FAF1: variants seen among roughly 807,000 people sequenced by gnomAD.
FAF1 encodes the protein FAS-associated factor 1.
In FAF1, 25 loss-of-function variants were observed where a neutral mutation model predicts 92.5. That is an observed-to-expected ratio of 0.27 (90% CI 0.20 to 0.38). The LOEUF is 0.38. FAF1 is among the 10% of genes least tolerant of loss of function. The probability of loss-of-function intolerance (pLI) is 1.00; values close to 1 mark genes in which losing one functional copy is unlikely to be tolerated. For synonymous variants in FAF1, 234 were observed against 273.2 expected, an observed-to-expected ratio of 0.86 and a Z score of 1.42; for missense variants, 636 against 793.3, an observed-to-expected ratio of 0.80 and a Z score of 2.38.
chr1:50,681,060 G>A (rs1232494159), intron 7 of FAF1, among the ~76,000 whole-genome samples: 1 of 151,876 alleles, frequency 6.6e-6, no homozygotes, highest in Non-Finnish European at 1.5e-5. Flanking sequence ...CGATGATGAT[G>A]ATTTGAGACA....
intron 4 of FAF1, among the ~76,000 whole-genome samples, chr1:50,763,040 A>T (rs1660393764): frequency 1.3e-5 from 2 of 152,114 alleles, no homozygotes; most frequent in African/African-American, 4.8e-5. Context: ...TGATCACCTG[A>T]GGTCAGGAGT....
At chr1:50,742,053 A>ACC (rs1036083325) in intron 5 of FAF1, among the ~76,000 whole-genome samples, 3 of 152,150 alleles carry the variant, frequency 2.0e-5, no homozygotes, top group African/African-American at 7.2e-5. Context: ...TCATGCCTGT[A>ACC]ATCTCAGCAC....
intron 1 of FAF1, among the ~76,000 whole-genome samples, chr1:50,919,259 T>A (rs1644943879): frequency 6.6e-6 from 1 of 151,864 alleles, no homozygotes; most frequent in African/African-American, 2.4e-5. Context: ...GATCTGCATA[T>A]AAAAAACAGT....
chr1:50,663,039 T>G (rs902823826), intron 7 of FAF1, among the ~76,000 whole-genome samples: 1 of 151,710 alleles, frequency 6.6e-6, no homozygotes, highest in Non-Finnish European at 1.5e-5. Flanking sequence ...GATTTTACGA[T>G]AAAAGACAAT....
At chr1:50,932,099 C>T (rs1396482760) in intron 1 of FAF1, among the ~76,000 whole-genome samples, 1 of 151,838 alleles carries the variant, frequency 6.6e-6, no homozygotes, top group Non-Finnish European at 1.5e-5. Context: ...TTCTGGGAGA[C>T]GAAAATTCAA....
intron 1 of FAF1, among the ~76,000 whole-genome samples, chr1:50,861,259 G>C (rs1299285683): frequency 6.6e-6 from 1 of 151,738 alleles, no homozygotes; most frequent in Admixed American, 6.6e-5. Flanking sequence ...AAAAACAAGA[G>C]ACTGCTATGG....
At chr1:50,447,371 C>A (rs1020752686) in intron 18 of FAF1, among the ~76,000 whole-genome samples, 2 of 152,010 alleles carry the variant, frequency 1.3e-5, no homozygotes, top group Non-Finnish European at 2.9e-5. Flanking sequence ...GTGATCCGCC[C>A]GCCTCGGCCT....
intron 8 of FAF1, among the ~76,000 whole-genome samples, chr1:50,608,711 T>C (rs547803462): frequency 5.9e-5 from 9 of 152,314 alleles, no homozygotes; most frequent in African/African-American, 1.2e-4. Flanking sequence ...AAATGTGTCA[T>C]TGTAAGGTAA....
intron 15 of FAF1, among the ~76,000 whole-genome samples, chr1:50,506,373 TCA>T: frequency 6.6e-6 from 1 of 152,294 alleles, no homozygotes; most frequent in African/African-American, 2.4e-5. Context: ...CTCACAATTC[TCA>T]CAGACTAGAC....
At chr1:50,739,627 T>C (rs1234989630) in intron 5 of FAF1, among the ~76,000 whole-genome samples, 1 of 152,220 alleles carries the variant, frequency 6.6e-6, no homozygotes, top group East Asian at 1.9e-4. Flanking sequence ...ATGGCAAAAA[T>C]TGGCAATATA....
At chr1:50,655,860 T>G (rs922302923) in intron 7 of FAF1, among the ~76,000 whole-genome samples, 17 of 152,220 alleles carry the variant, frequency 1.1e-4, no homozygotes, top group Non-Finnish European at 2.2e-4. Flanking sequence ...TTTTTATAAT[T>G]TATTTAATCG....
chr1:50,560,257 A>G (rs188481722), intron 13 of FAF1, among the ~76,000 whole-genome samples: 1 of 152,376 alleles, frequency 6.6e-6, no homozygotes, highest in Admixed American at 6.5e-5. Context: ...CTTACTGATA[A>G]TAAGTGCTTT....
rs1649687939 is a variant in FAF1 at position 50,558,223 on chromosome 1, A to G, written c.1268+8854T>C. On this transcript the variant is annotated intron_variant, in intron 13 of 18. Coordinates refer to ENST00000396153, the MANE Select transcript of FAF1 (RefSeq NM_007051.3). Reference sequence around the variant, plus strand: ...CTAAATATCTTATTTTTAGAATAAGATATTTATCTTATTTTTAGAATAAGA... The same window carrying G: ...CTAAATATCTTATTTTTAGAATAAGGTATTTATCTTATTTTTAGAATAAGA... Among the ~76,000 whole-genome samples, 3 of 114,108 alleles carry G rather than the reference A, an allele frequency of 2.6e-5. No homozygotes were observed. In the South Asian group the frequency reaches 6.9e-4, roughly 26 times the overall value. 74.9% of individuals were successfully genotyped at this position (114,108 alleles called of 152,430 possible). A position where few individuals can be genotyped will look rare whatever the true frequency, so the allele number is the denominator to read the frequency against.
intron 7 of FAF1, among the ~76,000 whole-genome samples, chr1:50,700,750 T>C (rs2124414697): frequency 6.6e-6 from 1 of 152,240 alleles, no homozygotes; most frequent in South Asian, 2.1e-4. Context: ...AGACTGTTCT[T>C]AATTCTTAAA....
At chr1:50,480,916 T>C (rs375746327) in intron 17 of FAF1, among the ~76,000 whole-genome samples, 2 of 152,130 alleles carry the variant, frequency 1.3e-5, no homozygotes, top group South Asian at 2.1e-4. Flanking sequence ...GACTTTCCAG[T>C]GGACAAGATG....
chr1:50,761,285 C>G (rs930669547), intron 4 of FAF1, among the ~76,000 whole-genome samples: 7 of 152,316 alleles, frequency 4.6e-5, no homozygotes, highest in South Asian at 2.1e-4. Flanking sequence ...ACCATTCCTT[C>G]TGAAACTATT....
intron 17 of FAF1, among the ~76,000 whole-genome samples, chr1:50,489,563 A>G (rs1646806069): frequency 6.6e-6 from 1 of 152,216 alleles, no homozygotes; most frequent in Admixed American, 6.5e-5. Context: ...TTCTATTTTT[A>G]TAAGAGTAGG....
chr1:50,499,713 C>T (rs995980774), intron 15 of FAF1, among the ~76,000 whole-genome samples: 5 of 152,072 alleles, frequency 3.3e-5, no homozygotes, highest in African/African-American at 1.2e-4. Flanking sequence ...TAACAAGCAA[C>T]CCCTTCCCCT....
At chr1:50,679,073 C>T (rs1389906201) in intron 7 of FAF1, among the ~76,000 whole-genome samples, 1 of 152,048 alleles carries the variant, frequency 6.6e-6, no homozygotes, top group East Asian at 1.9e-4. Context: ...GGTGACAGAG[C>T]GAGACTCCGT....
Sources: allele counts gnomAD v4.1 joint callset (sites outside exome capture counted in the v4.1 genomes callset), GRCh38; gene constraint gnomAD v4.1.1; transcripts MANE v1.5; gene names NCBI Gene and HGNC (gene_info 2026-07-23, HGNC 2026-07-21).